Variants in CAMTA1 observed in about 807,000 individuals in gnomAD.
CAMTA1 encodes calmodulin binding transcription activator 1, also known as calmodulin-binding transcription activator 1.
A neutral mutation model predicts 170.9 loss-of-function variants in CAMTA1; 27 were observed. That is an observed-to-expected ratio of 0.16 (90% CI 0.12 to 0.22). CAMTA1 has a LOEUF of 0.22. Among genes scored for constraint, CAMTA1 ranks in the 10% least tolerant of loss-of-function variants. The probability of loss-of-function intolerance (pLI) is 1.00; values close to 1 mark genes in which losing one functional copy is unlikely to be tolerated. For synonymous variants in CAMTA1, 833 were observed against 891.5 expected, an observed-to-expected ratio of 0.93 and a Z score of 1.17; for missense variants, 1,619 against 2,217.2, an observed-to-expected ratio of 0.73 and a Z score of 5.42.
At chr1:7,601,075 C>G (rs1363479993) in intron 6 of CAMTA1, among the ~76,000 whole-genome samples, 1 of 151,948 alleles carries the variant, frequency 6.6e-6, no homozygotes, top group East Asian at 2.0e-4. Flanking sequence ...AGAGGTGCCC[C>G]TCACCTCCCG....
intron 11 of CAMTA1, among the ~76,000 whole-genome samples, chr1:7,729,558 G>A (rs1279783104): frequency 6.6e-6 from 1 of 152,216 alleles, no homozygotes. Context: ...GCTTTCTAGA[G>A]AGTGAGAATA....
intron 3 of CAMTA1, among the ~76,000 whole-genome samples, chr1:7,003,508 TCGACA>T (rs1295291075): frequency 6.6e-6 from 1 of 152,194 alleles, no homozygotes; most frequent in African/African-American, 2.4e-5. Context: ...CACGTGGAAT[TCGACA>T]CGTCGGCTTA....
chr1:6,838,366 TCA>T (rs1181758495), intron 3 of CAMTA1, among the ~76,000 whole-genome samples: 2 of 152,098 alleles, frequency 1.3e-5, no homozygotes, highest in African/African-American at 2.4e-5. Context: ...CTCAGACTCA[TCA>T]GTCAGGGAAT....
At chr1:7,450,881 T>TG (rs34661444) in intron 5 of CAMTA1, among the ~76,000 whole-genome samples, 141,067 of 152,312 alleles carry the variant, frequency 0.93, 65,501 homozygotes, top group East Asian at 1. Flanking sequence ...GCAGGGCATC[T>TG]CATCTTACTG....
intron 6 of CAMTA1, among the ~76,000 whole-genome samples, chr1:7,612,655 A>T (rs1299621399): frequency 6.6e-6 from 1 of 152,166 alleles, no homozygotes; most frequent in African/African-American, 2.4e-5. Flanking sequence ...ACTGGGCCGG[A>T]AGGGCAGGGG....
At chr1:7,724,818 C>CAAA (rs960235639) in intron 11 of CAMTA1, among the ~76,000 whole-genome samples, 5 of 85,312 alleles carry the variant, frequency 5.9e-5, no homozygotes, top group Admixed American at 2.7e-4. Context: ...GCGAGACTCT[C>CAAA]AAAAAAAAAA....
intron 3 of CAMTA1, among the ~76,000 whole-genome samples, chr1:7,060,867 G>A (rs1708100731): frequency 1.3e-5 from 2 of 152,216 alleles, no homozygotes; most frequent in Admixed American, 6.5e-5. Context: ...AGTTGCTGGC[G>A]ATTTATGTCG....
intron 4 of CAMTA1, among the ~76,000 whole-genome samples, chr1:7,111,625 C>T (rs1336390063): frequency 2.6e-5 from 4 of 152,222 alleles, no homozygotes; most frequent in South Asian, 2.1e-4. Context: ...GTGGTTCACA[C>T]CTGTAATCCC....
chr1:7,503,193 G>A (rs772225962), intron 6 of CAMTA1, among the ~76,000 whole-genome samples: 45 of 152,210 alleles, frequency 3.0e-4, no homozygotes, highest in African/African-American at 2.4e-4. Context: ...AGGGCCAGAC[G>A]ATCAGAAAAG....
chr1:6,785,513 G>C lies in CAMTA1; in HGVS notation c.-18G>C. 3 of 1,050,586 alleles carry C rather than the reference G, an allele frequency of 2.9e-6. No individual in the cohort carries two copies. The highest frequency in any genetic ancestry group is 3.5e-6 in the Non-Finnish European group (3 of 862,094). 65.1% of individuals were successfully genotyped at this position (1,050,586 alleles called of 1,614,324 possible). On this transcript the variant is annotated 5_prime_UTR_variant, in exon 1 of 23. Transcript: ENST00000303635. ...TACGAGGCGCGCGCTCGGGGTCCCGGTCGCGAGGAGGAGGAGGATGTGGCG... is the reference window on the plus strand; with the variant it reads ...TACGAGGCGCGCGCTCGGGGTCCCGCTCGCGAGGAGGAGGAGGATGTGGCG...
At chr1:7,554,412 C>G (rs4908655) in intron 6 of CAMTA1, among the ~76,000 whole-genome samples, 95,004 of 151,994 alleles carry the variant, frequency 0.63, 30,203 homozygotes, top group South Asian at 0.73. Flanking sequence ...TTACATGCTG[C>G]GATAACAAAT....
chr1:7,265,661 T>C (rs1056308421), intron 5 of CAMTA1, among the ~76,000 whole-genome samples: 70 of 152,348 alleles, frequency 4.6e-4, no homozygotes, highest in African/African-American at 1.4e-3. Flanking sequence ...GTGGATTACA[T>C]GTTGAAATAA....
At chr1:7,239,968 G>A (rs1030039402) in intron 4 of CAMTA1, among the ~76,000 whole-genome samples, 1 of 152,078 alleles carries the variant, frequency 6.6e-6, no homozygotes, top group South Asian at 2.1e-4. Flanking sequence ...AGGTAATGAC[G>A]TTAATCCATT....
chr1:7,178,918 G>A (rs1009221158), intron 4 of CAMTA1, among the ~76,000 whole-genome samples: 1 of 152,218 alleles, frequency 6.6e-6, no homozygotes, highest in Non-Finnish European at 1.5e-5. Flanking sequence ...CTCAGCCACA[G>A]CAGGTTGCTT....
intron 6 of CAMTA1, among the ~76,000 whole-genome samples, chr1:7,583,835 C>A (rs1182548909): frequency 1.3e-5 from 2 of 152,176 alleles, no homozygotes; most frequent in Admixed American, 1.3e-4. Flanking sequence ...GGTGCCGTCT[C>A]CCGGGAGGTA....
chr1:7,446,187 A>G (rs1170523863), intron 5 of CAMTA1, among the ~76,000 whole-genome samples: 1 of 151,946 alleles, frequency 6.6e-6, no homozygotes, highest in Non-Finnish European at 1.5e-5. Context: ...CTGTGAAAAA[A>G]AAAAAAAAGC....
chr1:7,348,468 G>A (rs1167424701), intron 5 of CAMTA1, among the ~76,000 whole-genome samples: 1 of 152,214 alleles, frequency 6.6e-6, no homozygotes, highest in African/African-American at 2.4e-5. Flanking sequence ...CAGACAGCAG[G>A]ATGGGGCTGT....
chr1:7,033,241 C>T (rs1473147816), intron 3 of CAMTA1, among the ~76,000 whole-genome samples: 1 of 152,018 alleles, frequency 6.6e-6, no homozygotes, highest in Non-Finnish European at 1.5e-5. Flanking sequence ...GTTTCATTTC[C>T]TGTCTTTCAG....
intron 5 of CAMTA1, among the ~76,000 whole-genome samples, chr1:7,358,046 G>T (rs2085257678): frequency 6.6e-6 from 1 of 152,320 alleles, no homozygotes; most frequent in Non-Finnish European, 1.5e-5. Flanking sequence ...CAAAATGAAG[G>T]TCCAAGCCCA....
Sources: gnomAD v4.1 joint callset for allele counts (sites outside exome capture counted in the v4.1 genomes callset) on GRCh38, gnomAD v4.1.1 for gene constraint, MANE v1.5 for transcripts, NCBI Gene and HGNC (gene_info 2026-07-23, HGNC 2026-07-21) for gene names.